Variants in ZFHX3 observed in about 807,000 individuals in gnomAD.
ZFHX3 encodes the protein zinc finger homeobox 3, also known as zinc finger homeobox protein 3.
In ZFHX3, 42 loss-of-function variants were observed where a neutral mutation model predicts 279.1. The observed-to-expected ratio is 0.15, with a 90% confidence interval of 0.12 to 0.19. ZFHX3 has a LOEUF of 0.19. ZFHX3 is among the 10% of genes least tolerant of loss of function. The probability of loss-of-function intolerance (pLI) is 1.00; values close to 1 mark genes in which losing one functional copy is unlikely to be tolerated. For missense variants in ZFHX3, 4,981 were observed against 4,754.0 expected (o/e 1.05, Z -1.40); for synonymous variants, 2,293 against 1,957.8 (o/e 1.17, Z -4.52).
At position 73,539,550 on chromosome 16, in the gene ZFHX3, T is replaced by C. The variant is rs560170452; in HGVS notation, c.-1546-83292A>G. Among the ~76,000 whole-genome samples the C allele has an allele frequency of 4.2e-4, 63 of 150,780 alleles. 1 individual carries two copies. Among genetic ancestry groups the C allele is most frequent in the African/African-American group, 1.5e-3 (62 of 40,996 alleles). ...TTCCCTCTCTGTTTCTTTAAATCTG[T>C]AAACCACAAAGCAGCATGCCAGCAA... On this transcript the variant is annotated intron_variant, in intron 2 of 17. Transcript: ENST00000641206.
At chr16:73,748,505 A>G (rs2053724819) in intron 1 of ZFHX3, among the ~76,000 whole-genome samples, 1 of 151,142 alleles carries the variant, frequency 6.6e-6, no homozygotes, top group African/African-American at 2.4e-5. Context: ...CTTACACTCT[A>G]TTTCTTTGAT....
At chr16:73,591,493 A>G (rs543346097) in intron 2 of ZFHX3, among the ~76,000 whole-genome samples, 1 of 151,740 alleles carries the variant, frequency 6.6e-6, no homozygotes, top group East Asian at 2.0e-4. Context: ...GGAGATCGAT[A>G]TCATCGTGGC....
chr16:73,420,930 C>G (rs1206444204), intron 3 of ZFHX3: 3 of 152,240 alleles, frequency 2.0e-5, no homozygotes, highest in African/African-American at 7.2e-5. Flanking sequence ...GCCAGCTAAT[C>G]TGGCTCATTT....
At chr16:73,026,773 A>C (rs985055772) in intron 1 of ZFHX3, among the ~76,000 whole-genome samples, 1 of 151,574 alleles carries the variant, frequency 6.6e-6, no homozygotes. Flanking sequence ...TTTCTCATCC[A>C]TTTTTATTTG....
chr16:73,867,819 G>A (rs1268801992), intron 1 of ZFHX3, among the ~76,000 whole-genome samples: 5 of 152,160 alleles, frequency 3.3e-5, no homozygotes, highest in African/African-American at 1.2e-4. Flanking sequence ...TTTGAGAATT[G>A]GCAGCGTTCT....
intron 3 of ZFHX3, among the ~76,000 whole-genome samples, chr16:73,353,478 C>T (rs1045150078): frequency 2.6e-5 from 4 of 152,224 alleles, no homozygotes; most frequent in African/African-American, 9.6e-5. Flanking sequence ...TGATAATGTG[C>T]TGGATACTAT....
At chr16:73,213,323 T>C (rs962359267) in intron 5 of ZFHX3, among the ~76,000 whole-genome samples, 4 of 152,198 alleles carry the variant, frequency 2.6e-5, no homozygotes, top group African/African-American at 9.7e-5. Flanking sequence ...AGATTTTACT[T>C]TGACACCCTG....
At chr16:72,956,359 C>T (rs77927733) in intron 2 of ZFHX3, among the ~76,000 whole-genome samples, 2,468 of 152,270 alleles carry the variant, frequency 0.016, 62 homozygotes, top group African/African-American at 0.055. Flanking sequence ...CCACGAAGTC[C>T]ATTAGCAGCG....
intron 1 of ZFHX3, among the ~76,000 whole-genome samples, chr16:73,746,235 C>T (rs62043696): frequency 0.12 from 17,778 of 151,970 alleles, 1,114 homozygotes; most frequent in Non-Finnish European, 0.14. Context: ...CTCAGCTGAG[C>T]ACTATGTTAC....
chr16:73,591,334 C>A (rs1411389352), intron 2 of ZFHX3, among the ~76,000 whole-genome samples: 1 of 150,998 alleles, frequency 6.6e-6, no homozygotes, highest in East Asian at 2.0e-4. Flanking sequence ...GCCTGGGTGA[C>A]AAAGCAAGAC....
At chr16:73,769,117 C>T (rs1196439559) in intron 1 of ZFHX3, among the ~76,000 whole-genome samples, 1 of 152,148 alleles carries the variant, frequency 6.6e-6, no homozygotes, top group African/African-American at 2.4e-5. Flanking sequence ...AAGCCTGACC[C>T]TGACCTTGGA....
chr16:73,745,491 C>T (rs1200598223), intron 1 of ZFHX3, among the ~76,000 whole-genome samples: 4 of 152,148 alleles, frequency 2.6e-5, no homozygotes, highest in African/African-American at 4.8e-5. Flanking sequence ...ACAGAAATAA[C>T]AGAAGATAAT....
In ZFHX3 at chr16:72,786,550, T is replaced by G. The variant is rs2035379732; in HGVS notation, c.*614A>C. On this transcript the variant is annotated 3_prime_UTR_variant, in exon 10 of 10. Transcript: ENST00000268489. ...TTTTCTTGAATACTTTCTGCCCATT[T>G]TTAAGTTAACAAAACAAAAAATCTT... 1 of 150,216 alleles carries G rather than the reference T, an allele frequency of 6.7e-6. No individual in the cohort carries two copies. The highest frequency in any genetic ancestry group is 6.6e-5 in the Admixed American group (1 of 15,106). The allele number at this position is 150,216 out of a possible 1,614,324, so 9.3% of individuals were successfully genotyped here. A position where few individuals can be genotyped will look rare whatever the true frequency, so the allele number is the denominator to read the frequency against.
At chr16:73,645,802 T>C (rs1481053793) in intron 2 of ZFHX3, among the ~76,000 whole-genome samples, 4 of 152,230 alleles carry the variant, frequency 2.6e-5, no homozygotes, top group Admixed American at 2.6e-4. Flanking sequence ...GACATGACTT[T>C]TGGGGTCCTT....
At chr16:73,320,967 A>T (rs1188169060) in intron 3 of ZFHX3, among the ~76,000 whole-genome samples, 1 of 152,192 alleles carries the variant, frequency 6.6e-6, no homozygotes, top group Non-Finnish European at 1.5e-5. Context: ...ACCATGAGCC[A>T]CTGACTCAGT....
At chr16:73,787,777 T>C (rs982727349) in intron 1 of ZFHX3, among the ~76,000 whole-genome samples, 1 of 151,882 alleles carries the variant, frequency 6.6e-6, no homozygotes, top group Non-Finnish European at 1.5e-5. Flanking sequence ...GCCTACTCTA[T>C]AAATTTTCTG....
At chr16:73,358,932 G>A (rs16971799) in intron 3 of ZFHX3, among the ~76,000 whole-genome samples, 2 of 152,104 alleles carry the variant, frequency 1.3e-5, no homozygotes, top group East Asian at 3.9e-4. Flanking sequence ...TGGATGCAAA[G>A]ATTAAACAAG....
At chr16:73,761,383 T>C (rs553506741) in intron 1 of ZFHX3, among the ~76,000 whole-genome samples, 38 of 152,274 alleles carry the variant, frequency 2.5e-4, no homozygotes, top group African/African-American at 8.7e-4. Context: ...AGAATCAATA[T>C]TGTGAAAATG....
intron 3 of ZFHX3, among the ~76,000 whole-genome samples, chr16:73,344,577 G>C (rs906030598): frequency 6.6e-6 from 1 of 152,114 alleles, no homozygotes; most frequent in Admixed American, 6.5e-5. Flanking sequence ...ACTGTGATTA[G>C]GTAAAACAAT....
Sources: gnomAD v4.1 joint callset for allele counts (sites outside exome capture counted in the v4.1 genomes callset) on GRCh38, gnomAD v4.1.1 for gene constraint, MANE v1.5 for transcripts, NCBI Gene and HGNC (gene_info 2026-07-23, HGNC 2026-07-21) for gene names.